Variants in CCSER1 observed in about 807,000 individuals in gnomAD.
CCSER1 encodes the protein coiled-coil serine rich protein 1.
CCSER1 carries 41 observed loss-of-function variants against 82.0 expected under a neutral mutation model. The observed-to-expected ratio is 0.50, with a 90% CI of 0.39 to 0.65. The LOEUF (loss-of-function observed/expected upper bound fraction) is 0.65. Ranked by LOEUF, CCSER1 falls within the 30% of genes least tolerant of loss-of-function variation. The probability of loss-of-function intolerance (pLI) is 0.00; values close to 1 mark genes in which losing one functional copy is unlikely to be tolerated. For missense variants in CCSER1, 1,119 were observed against 1,064.2 expected, an observed-to-expected ratio of 1.05 and a Z score of -0.72; for synonymous variants, 414 against 383.9, an observed-to-expected ratio of 1.08 and a Z score of -0.92.
intron 8 of CCSER1, among the ~76,000 whole-genome samples, chr4:90,879,309 G>C (rs1218415181): frequency 1.4e-4 from 22 of 151,974 alleles, no homozygotes. Flanking sequence ...TTCACCCCCT[G>C]TATTGCCTTA....
intron 10 of CCSER1, among the ~76,000 whole-genome samples, chr4:91,337,062 C>A (rs1306526824): frequency 6.6e-6 from 1 of 152,004 alleles, no homozygotes; most frequent in Non-Finnish European, 1.5e-5. Flanking sequence ...ATGACAGCTC[C>A]TCAAAAGATA....
chr4:90,335,327 C>A (rs967864616), intron 3 of CCSER1, among the ~76,000 whole-genome samples: 3 of 152,042 alleles, frequency 2.0e-5, no homozygotes, highest in Admixed American at 6.6e-5. Flanking sequence ...CCAATTCATG[C>A]GTAAAGTGAA....
intron 1 of CCSER1, among the ~76,000 whole-genome samples, chr4:90,148,281 C>T (rs554047826): frequency 6.6e-6 from 1 of 152,008 alleles, no homozygotes; most frequent in South Asian, 2.1e-4. Flanking sequence ...AACACATGTG[C>T]ATAAGAAAAA....
At chr4:91,056,785 T>A (rs1316651850) in intron 9 of CCSER1, among the ~76,000 whole-genome samples, 1 of 152,210 alleles carries the variant, frequency 6.6e-6, no homozygotes, top group Non-Finnish European at 1.5e-5. Context: ...GTGCTAAGGA[T>A]CAGGCTGAGG....
At chr4:90,990,070 A>T (rs1736898778) in intron 9 of CCSER1, among the ~76,000 whole-genome samples, 1 of 151,846 alleles carries the variant, frequency 6.6e-6, no homozygotes. Context: ...TGACATTATG[A>T]AGTGGGTCCT....
chr4:91,119,195 A>T (rs952048366), intron 10 of CCSER1, among the ~76,000 whole-genome samples: 2 of 152,082 alleles, frequency 1.3e-5, no homozygotes, highest in Non-Finnish European at 2.9e-5. Context: ...CATTGATTAA[A>T]CTCCACTGGT....
At chr4:91,084,487 G>T (rs1009101104) in intron 9 of CCSER1, among the ~76,000 whole-genome samples, 2 of 151,886 alleles carry the variant, frequency 1.3e-5, no homozygotes, top group Non-Finnish European at 2.9e-5. Flanking sequence ...AGAGAAGAAA[G>T]TGACAAACCA....
intron 5 of CCSER1, among the ~76,000 whole-genome samples, chr4:90,527,165 T>C (rs565247081): frequency 6.6e-6 from 1 of 152,292 alleles, no homozygotes; most frequent in East Asian, 1.9e-4. Context: ...GCAGGCAACC[T>C]ACAGAATGGG....
chr4:91,554,050 T>A (rs772669986), intron 10 of CCSER1, among the ~76,000 whole-genome samples: 6 of 150,916 alleles, frequency 4.0e-5, no homozygotes, highest in Non-Finnish European at 8.9e-5. Context: ...AGAAATGCTT[T>A]CACTGCCTTC....
chr4:91,589,375 T>G (rs1764156040), intron 10 of CCSER1, among the ~76,000 whole-genome samples: 1 of 151,904 alleles, frequency 6.6e-6, no homozygotes, highest in African/African-American at 2.4e-5. Flanking sequence ...ATATATTTGT[T>G]TATGCATTTA....
intron 10 of CCSER1, among the ~76,000 whole-genome samples, chr4:91,401,650 T>G (rs1023205254): frequency 3.9e-5 from 6 of 152,086 alleles, no homozygotes; most frequent in Non-Finnish European, 7.4e-5. Flanking sequence ...ACATGTGGTG[T>G]TTTATTTTCT....
At chr4:90,326,538 C>T (rs1738248385) in intron 3 of CCSER1, among the ~76,000 whole-genome samples, 1 of 152,004 alleles carries the variant, frequency 6.6e-6, no homozygotes, top group South Asian at 2.1e-4. Flanking sequence ...AACAGACTAC[C>T]TACTAATTCT....
chr4:91,518,893 G>T (rs1760294277), intron 10 of CCSER1, among the ~76,000 whole-genome samples: 1 of 152,210 alleles, frequency 6.6e-6, no homozygotes, highest in African/African-American at 2.4e-5. Flanking sequence ...TTGGTGAAGA[G>T]TGGGGGTTAG....
At chr4:90,957,895 A>T (rs1422055369) in intron 9 of CCSER1, among the ~76,000 whole-genome samples, 1 of 151,754 alleles carries the variant, frequency 6.6e-6, no homozygotes, top group Non-Finnish European at 1.5e-5. Context: ...CTTGGCTCTT[A>T]AAAATAACAT....
At chr4:90,397,349 G>C (rs1752106711) in intron 3 of CCSER1, among the ~76,000 whole-genome samples, 1 of 152,184 alleles carries the variant, frequency 6.6e-6, no homozygotes, top group Admixed American at 6.5e-5. Context: ...TAGAATAGCA[G>C]TGGCAGAGAT....
At chr4:90,163,424 A>G (rs988005688) in intron 1 of CCSER1, among the ~76,000 whole-genome samples, 4 of 152,138 alleles carry the variant, frequency 2.6e-5, no homozygotes, top group African/African-American at 7.2e-5. Context: ...CAAACTGAAG[A>G]AAGTATGGGA....
intron 5 of CCSER1, among the ~76,000 whole-genome samples, chr4:90,499,229 A>G (rs757623903): frequency 5.3e-4 from 81 of 152,054 alleles, no homozygotes; most frequent in African/African-American, 1.6e-3. Flanking sequence ...TTAATTTGGT[A>G]CTGTCTTTTA....
chr4:90,284,431 T>G (rs1263824483), intron 1 of CCSER1, among the ~76,000 whole-genome samples: 1 of 151,996 alleles, frequency 6.6e-6, no homozygotes, highest in East Asian at 1.9e-4. Flanking sequence ...GTTTCCCCAA[T>G]GTTTTATTTT....
chr4:91,351,383 A>G (rs933770981), intron 10 of CCSER1, among the ~76,000 whole-genome samples: 2 of 152,078 alleles, frequency 1.3e-5, no homozygotes, highest in Non-Finnish European at 2.9e-5. Context: ...TATTGATAAA[A>G]AATGAGATTC....
Sources: gnomAD v4.1 joint callset for allele counts (sites outside exome capture counted in the v4.1 genomes callset) on GRCh38, gnomAD v4.1.1 for gene constraint, MANE v1.5 for transcripts, NCBI Gene and HGNC (gene_info 2026-07-23, HGNC 2026-07-21) for gene names.